The following EPAS1 variants were observed in gnomAD, a reference collection of about 807,000 sequenced individuals.
EPAS1 encodes the protein endothelial PAS domain protein 1.
Under a neutral mutation model 87.9 loss-of-function variants are expected in EPAS1, and 23 were observed. The ratio of observed to expected loss-of-function variants is 0.26; its 90% confidence interval spans 0.19 to 0.37. The LOEUF (loss-of-function observed/expected upper bound fraction) is 0.37. Among genes scored for constraint, EPAS1 ranks in the 10% least tolerant of loss-of-function variants. The pLI, the probability that EPAS1 is intolerant of heterozygous loss-of-function variation, is 1.00. For synonymous variants in EPAS1, 508 were observed against 444.3 expected (o/e 1.14, Z -1.80); for missense variants, 1,138 against 1,120.7 (o/e 1.02, Z -0.22).
At chr2:46,358,936 G>A (rs959526807) in intron 4 of EPAS1, among the ~76,000 whole-genome samples, 34 of 152,252 alleles carry the variant, frequency 2.2e-4, no homozygotes, top group Admixed American at 1.7e-3. Flanking sequence ...CTGTGCAGGG[G>A]TGGAGTGATC....
chr2:46,315,465 AGT>A (rs1211561801), intron 1 of EPAS1, among the ~76,000 whole-genome samples: 1 of 152,182 alleles, frequency 6.6e-6, no homozygotes, highest in African/African-American at 2.4e-5. Context: ...AGGTACATCA[AGT>A]TCTGGATGGC....
Position 46,346,734 on chromosome 2 carries a change from A to G in EPAS1, c.27-139A>G. 1 of 860,820 alleles carries G rather than the reference A, an allele frequency of 1.2e-6. No homozygotes were observed. Among genetic ancestry groups the G allele is most frequent in the Middle Eastern group, 2.8e-4 (1 of 3,626 alleles). 53.3% of individuals were successfully genotyped at this position (860,820 alleles called of 1,614,324 possible). ...ATACAAAGCAGGTTGTGTGTGGCTC[A>G]GACAACTGGTGTGAGCCCAGATCAG... is the stretch of plus-strand genomic sequence containing the variant. On this transcript the variant is annotated intron_variant, in intron 1 of 15. Coordinates refer to ENST00000263734, the MANE Select transcript of EPAS1 (RefSeq NM_001430.5). The surrounding 1 kb of genome is among the most constrained non-coding windows in gnomAD (Gnocchi z 4.0).
chr2:46,364,966 G>A (rs865907105), intron 6 of EPAS1, among the ~76,000 whole-genome samples: 3 of 152,170 alleles, frequency 2.0e-5, no homozygotes, highest in South Asian at 2.1e-4. Flanking sequence ...ACAGTGAATG[G>A]TACAAAATAC....
At chr2:46,303,591 A>C (rs1034756326) in intron 1 of EPAS1, among the ~76,000 whole-genome samples, 4 of 152,216 alleles carry the variant, frequency 2.6e-5, no homozygotes, top group African/African-American at 9.6e-5. Flanking sequence ...AGGAAGGCCA[A>C]GAAGGGAGAG....
rs993114017 is a variant in EPAS1 at position 46,380,873 on chromosome 2, A to G, written c.2045+156A>G. Among the ~76,000 whole-genome samples, 1 of 152,012 alleles carries G rather than the reference A, an allele frequency of 6.6e-6. No homozygotes were observed. The highest frequency in any genetic ancestry group is 2.4e-5 in the African/African-American group (1 of 41,378). ...AGCTCAGACTTTGGGGAATCACCTC[A>G]AGCCATGTGAGGCCTAGTGTAGGAT... On this transcript the variant is annotated intron_variant, in intron 12 of 15. Transcript: ENST00000263734. This position sits in a 1 kb window ranked among gnomAD's most constrained non-coding sequence, Gnocchi z 4.4.
In EPAS1 at chr2:46,375,632, C is replaced by A; in HGVS notation, c.887-58C>A. 2 of 1,586,950 alleles carry A rather than the reference C, an allele frequency of 1.3e-6. No individual in the cohort carries two copies. Among genetic ancestry groups the A allele is most frequent in the African/African-American group, 2.7e-5 (2 of 74,296 alleles). On this transcript the variant is annotated intron_variant, in intron 7 of 15. Transcript: ENST00000263734. This position sits in a 1 kb window ranked among gnomAD's most constrained non-coding sequence, Gnocchi z 4.1. ...TGCCCTCCCATGCGATCTGCTGAGCCTGTGGTGCACACCCCTGCCCCACCT... is the reference window on the plus strand; with the variant it reads ...TGCCCTCCCATGCGATCTGCTGAGCATGTGGTGCACACCCCTGCCCCACCT...
chr2:46,364,744 T>A (rs566934421), intron 6 of EPAS1, among the ~76,000 whole-genome samples: 1 of 152,346 alleles, frequency 6.6e-6, no homozygotes, highest in Admixed American at 6.5e-5. Context: ...ATATCCTGAT[T>A]ATTAATGGAA....
At position 46,380,848 on chromosome 2, in the gene EPAS1, A is replaced by C; in HGVS notation, c.2045+131A>C. The C allele has an allele frequency of 1.3e-6, 2 of 1,496,406 alleles. No homozygotes were observed. The highest frequency in any genetic ancestry group is 2.3e-5 in the South Asian group (2 of 87,296). 92.7% of individuals were successfully genotyped at this position (1,496,406 alleles called of 1,614,324 possible). A position where few individuals can be genotyped will look rare whatever the true frequency, so the allele number is the denominator to read the frequency against. On this transcript the variant is annotated intron_variant, in intron 12 of 15. Transcript: ENST00000263734. This position sits in a 1 kb window ranked among gnomAD's most constrained non-coding sequence, Gnocchi z 4.4. The stretch of plus-strand genomic sequence containing the variant: ...TGATACCCCATTTAGCCCTTCTCTG[A>C]GCTCAGACTTTGGGGAATCACCTCA...
chr2:46,355,733 G>C (rs1572635443), intron 2 of EPAS1, among the ~76,000 whole-genome samples: 3 of 152,370 alleles, frequency 2.0e-5, no homozygotes, highest in African/African-American at 7.2e-5. Context: ...AAGAGGGCTA[G>C]AGGGCTGAAA....
At chr2:46,301,224 G>C (rs934272955) in intron 1 of EPAS1, among the ~76,000 whole-genome samples, 1 of 152,112 alleles carries the variant, frequency 6.6e-6, no homozygotes, top group East Asian at 1.9e-4. Flanking sequence ...TTCTGGATAA[G>C]GAAACTGATG....
At chr2:46,348,463 T>A (rs1684082506) in intron 2 of EPAS1, among the ~76,000 whole-genome samples, 1 of 152,226 alleles carries the variant, frequency 6.6e-6, no homozygotes, top group Non-Finnish European at 1.5e-5. Flanking sequence ...AGTTGGCTAA[T>A]GTTGCAATCA....
At position 46,297,571 on chromosome 2, in the gene EPAS1, T is replaced by G. The variant is rs1018991619; in HGVS notation, c.-341T>G. On this transcript the variant is annotated 5_prime_UTR_variant, in exon 1 of 16. Transcript: ENST00000263734. ...CCAGCATTCGAGCCACTTTTTTTTT[T>G]CTTTGAAAACTCAGAAAAGTGACTC... 1 of 340,530 alleles carries G rather than the reference T, an allele frequency of 2.9e-6. No individual in the cohort carries two copies. Among genetic ancestry groups the G allele is most frequent in the Non-Finnish European group, 5.5e-6 (1 of 180,932 alleles). 21.1% of individuals were successfully genotyped at this position (340,530 alleles called of 1,614,324 possible).
intron 1 of EPAS1, among the ~76,000 whole-genome samples, chr2:46,306,702 T>C (rs573483434): frequency 3.9e-5 from 6 of 152,326 alleles, no homozygotes; most frequent in African/African-American, 1.2e-4. Flanking sequence ...TGTTTATGAA[T>C]TCCACATAGA....
At chr2:46,305,727 C>G (rs1472720899) in intron 1 of EPAS1, among the ~76,000 whole-genome samples, 1 of 152,134 alleles carries the variant, frequency 6.6e-6, no homozygotes, top group Non-Finnish European at 1.5e-5. Flanking sequence ...TCCCCCCATC[C>G]CCAGCCATGG....
At chr2:46,311,039 G>C (rs1396551452) in intron 1 of EPAS1, among the ~76,000 whole-genome samples, 1 of 152,104 alleles carries the variant, frequency 6.6e-6, no homozygotes, top group Non-Finnish European at 1.5e-5. Flanking sequence ...ACGATGCCCA[G>C]CTAATTTTTT....
chr2:46,317,390 G>T (rs1683364646), intron 1 of EPAS1, among the ~76,000 whole-genome samples: 1 of 152,164 alleles, frequency 6.6e-6, no homozygotes, highest in Non-Finnish European at 1.5e-5. Context: ...GCTTCAGAAT[G>T]GATCTTGTGT....
chr2:46,310,633 C>T lies in EPAS1; in HGVS notation c.26+12696C>T, dbSNP rs143197040. Reference sequence around the variant, plus strand: ...GAGCAGCTGGGGATTTTTCCCTCCTCGAGCAGGTGTAACCTTTCCCCTGGA... The same window carrying T: ...GAGCAGCTGGGGATTTTTCCCTCCTTGAGCAGGTGTAACCTTTCCCCTGGA... On this transcript the variant is annotated intron_variant, in intron 1 of 15. Transcript: ENST00000263734. Among the ~76,000 whole-genome samples the T allele has an allele frequency of 2.8e-3, 426 of 152,308 alleles. 4 individuals carry two copies. The highest frequency in any genetic ancestry group is 3.2e-3 in the Non-Finnish European group (221 of 68,020).
chr2:46,316,258 CCT>C, intron 1 of EPAS1, among the ~76,000 whole-genome samples: 1 of 144,400 alleles, frequency 6.9e-6, no homozygotes, highest in African/African-American at 2.9e-5. Flanking sequence ...ATGTACATAC[CCT>C]TTTTTTTTTT....
Position 46,384,776 on chromosome 2 carries a change from C to G in EPAS1, c.*116C>G. On this transcript the variant is annotated 3_prime_UTR_variant, in exon 16 of 16. Coordinates refer to ENST00000263734, the MANE Select transcript of EPAS1 (RefSeq NM_001430.5). ...GCCAGCACACTATTTACAAGATGGA[C>G]TTACCTGGCAGACTTGCCCAGGTCA... The G allele has an allele frequency of 7.1e-7, 1 of 1,398,932 alleles. No individual in the cohort carries two copies. The highest frequency in any genetic ancestry group is 9.8e-7 in the Non-Finnish European group (1 of 1,024,470). 86.7% of individuals were successfully genotyped at this position (1,398,932 alleles called of 1,614,324 possible).
Sources: allele counts gnomAD v4.1 joint callset (sites outside exome capture counted in the v4.1 genomes callset), GRCh38; gene constraint gnomAD v4.1.1; non-coding constraint Gnocchi (gnomAD v3.1); transcripts MANE v1.5; gene names NCBI Gene and HGNC (gene_info 2026-07-23, HGNC 2026-07-21).